Variants in TAS1R1 observed in about 807,000 individuals in gnomAD.
TAS1R1 encodes the protein taste receptor type 1 member 1.
Under a neutral mutation model 45.8 loss-of-function variants are expected in TAS1R1, and 31 were observed. The ratio of observed to expected loss-of-function variants is 0.68; its 90% confidence interval spans 0.51 to 0.91. The LOEUF is 0.91. Ranked by LOEUF, TAS1R1 falls within the 40% of genes least tolerant of loss-of-function variation. TAS1R1 has a pLI of 0.00. For missense variants in TAS1R1, 1,051 were observed against 1,063.9 expected (o/e 0.99, Z 0.17); for synonymous variants, 437 against 448.4 (o/e 0.97, Z 0.32).
rs1304245395 is a variant in TAS1R1 at position 6,577,011 on chromosome 1, T to G, written c.1535T>G (p.Phe512Cys). Reference sequence around the variant, plus strand: ...GGGCACCAGCGAGTGGTTACGGGTTTCCATCACTGCTGCTTTGAGTGTGTG... The same window carrying G: ...GGGCACCAGCGAGTGGTTACGGGTTGCCATCACTGCTGCTTTGAGTGTGTG... ...LEGHQRVVTG[F>C]HHCCFECVPC... The change falls in exon 5 of 6, where the codon TTC (phenylalanine) becomes TGC (cysteine). Residue 512 changes from phenylalanine (F) to cysteine (C), a missense_variant. Phe to Cys is a radical substitution (Grantham distance 205). Transcript: ENST00000333172. The G allele has an allele frequency of 1.2e-6, 2 of 1,614,242 alleles. No individual in the cohort carries two copies. The highest frequency in any genetic ancestry group is 1.7e-6 in the Non-Finnish European group (2 of 1,180,042).
intron 1 of TAS1R1, among the ~76,000 whole-genome samples, chr1:6,560,410 AG>A (rs796676730): frequency 5.3e-5 from 8 of 152,310 alleles, no homozygotes; most frequent in African/African-American, 1.9e-4. Context: ...CTTACAGACT[AG>A]GGGGTATAAG....
intron 1 of TAS1R1, among the ~76,000 whole-genome samples, chr1:6,567,708 T>G (rs559567031): frequency 6.6e-6 from 1 of 151,890 alleles, no homozygotes; most frequent in Non-Finnish European, 1.5e-5. Flanking sequence ...GCTGCGGGAG[T>G]GTAAGCAATT....
chr1:6,559,297 T>C (rs1416541463), intron 1 of TAS1R1, among the ~76,000 whole-genome samples: 1 of 152,028 alleles, frequency 6.6e-6, no homozygotes, highest in Non-Finnish European at 1.5e-5. Flanking sequence ...CCCAAAGTGC[T>C]GGGATTACAG....
At chr1:6,576,684 G>T in intron 4 of TAS1R1, 57 bp downstream of exon 4, 1 of 1,587,108 alleles carries the variant, frequency 6.3e-7, no homozygotes, top group Non-Finnish European at 8.6e-7. Context: ...CTAGAGCCTG[G>T]GGGTGATGCT....
chr1:6,576,683 G>A, intron 4 of TAS1R1, 56 bp downstream of exon 4: 1 of 1,589,388 alleles, frequency 6.3e-7, no homozygotes, highest in East Asian at 2.2e-5. Context: ...CCTAGAGCCT[G>A]GGGGTGATGC....
intron 1 of TAS1R1, among the ~76,000 whole-genome samples, chr1:6,570,031 G>A (rs900046728): frequency 6.6e-6 from 1 of 151,444 alleles, no homozygotes; most frequent in African/African-American, 2.4e-5. Context: ...GGGGGAGAGA[G>A]AGAGAGAGAG....
chr1:6,578,756 C>G lies in TAS1R1; in HGVS notation c.1698C>G (p.Thr566=). 1 of 1,614,124 alleles carries G rather than the reference C, an allele frequency of 6.2e-7. No individual in the cohort carries two copies. Among genetic ancestry groups the G allele is most frequent in the Non-Finnish European group, 8.5e-7 (1 of 1,180,004 alleles). ...TVVFLALREH[T]SWVLLAANTL... is the part of the protein sequence containing the mutation. ...TGTTTTTGGCTTTGCGTGAGCACAC[C>G]TCTTGGGTGCTGCTGGCAGCTAACA... is the stretch of plus-strand genomic sequence containing the variant. The change falls in exon 6 of 6, where the codon ACC becomes ACG. Residue 566 remains threonine (T), a synonymous_variant. Coordinates refer to ENST00000333172, the MANE Select transcript of TAS1R1 (RefSeq NM_138697.4).
chr1:6,578,337 G>C (rs942389381), intron 5 of TAS1R1, among the ~76,000 whole-genome samples: 2 of 152,184 alleles, frequency 1.3e-5, no homozygotes, highest in African/African-American at 2.4e-5. Flanking sequence ...TTGGGAGCAG[G>C]CTGCTCCCAT....
intron 1 of TAS1R1, among the ~76,000 whole-genome samples, chr1:6,570,202 G>A (rs1168812472): frequency 1.3e-5 from 2 of 152,120 alleles, no homozygotes; most frequent in Admixed American, 6.5e-5. Flanking sequence ...ATCAGAGGAG[G>A]CAGCAGCCCA....
rs1570131271 is a variant in TAS1R1 at position 6,575,228 on chromosome 1, G to A, written c.1096G>A (p.Glu366Lys). 2 of 1,613,500 alleles carry A rather than the reference G, an allele frequency of 1.2e-6. No homozygotes were observed. Among genetic ancestry groups the A allele is most frequent in the Non-Finnish European group, 8.5e-7 (1 of 1,179,964 alleles). The change falls in exon 3 of 6, where the codon GAA becomes AAA. Residue 366 changes from glutamate (E) to lysine (K), a missense_variant. Glu to Lys is a moderately conservative substitution (Grantham distance 56). Coordinates refer to ENST00000333172, the MANE Select transcript of TAS1R1 (RefSeq NM_138697.4). ...GTGCAGCAGCAATCAGCTCTGCAGA[G>A]AATGCCAAGCTTTCATGGCACACAC... Reference protein sequence around the residue: ...SWCSSNQLCRECQAFMAHTMP... With the variant: ...SWCSSNQLCRKCQAFMAHTMP...
intron 1 of TAS1R1, among the ~76,000 whole-genome samples, chr1:6,560,986 C>CAAAAA (rs35928406): frequency 1.1e-5 from 1 of 92,934 alleles, no homozygotes; most frequent in Non-Finnish European, 1.9e-5. Flanking sequence ...GACTCTGTCT[C>CAAAAA]AAAAAAAAAA....
In TAS1R1 at chr1:6,574,312, CAT is replaced by C. The variant is rs752997235; in HGVS notation, c.499-318_499-317del. The stretch of plus-strand genomic sequence containing the variant: ...GACCTAACTTCTGCCCTGACCTACA[CAT>C]GCTTCTCTTCTTCCTTGCAAACTGC... On this transcript the variant is annotated intron_variant, in intron 2 of 5. Transcript: ENST00000333172. This position sits in a 1 kb window ranked among gnomAD's most constrained non-coding sequence, Gnocchi z 4.3. Among the ~76,000 whole-genome samples, 1 of 152,246 alleles carries C rather than the reference CAT, an allele frequency of 6.6e-6. No individual in the cohort carries two copies. The highest frequency in any genetic ancestry group is 1.5e-5 in the Non-Finnish European group (1 of 68,044).
At chr1:6,555,866 C>CCTTTTTT (rs1553185410) in intron 1 of TAS1R1, among the ~76,000 whole-genome samples, 1,511 of 95,384 alleles carry the variant, frequency 0.016, 24 homozygotes, top group East Asian at 0.045. Flanking sequence ...TTTCCCTCTT[C>CCTTTTTT]TTTTTTTTTT....
chr1:6,579,060 A>T lies in TAS1R1; in HGVS notation c.2002A>T (p.Thr668Ser), dbSNP rs201676355. 1.2e-5 allele frequency: 20 copies of T among 1,613,274 alleles called. No homozygotes were observed. The highest frequency in any genetic ancestry group is 6.7e-5 in the Admixed American group (4 of 59,998). Residue 668 changes from threonine (T) to serine (S), a missense_variant, in exon 6 of 6, where the codon ACA becomes TCA. Thr to Ser is a moderately conservative substitution (Grantham distance 58, BLOSUM62 1). Coordinates refer to ENST00000333172, the MANE Select transcript of TAS1R1 (RefSeq NM_138697.4). The part of the protein sequence containing the change: ...IIFKFSTKVP[T>S]FYHAWVQNHG... ...CTTCAAGTTTTCCACCAAGGTACCT[A>T]CATTCTACCACGCCTGGGTCCAAAA...
At position 6,574,960 on chromosome 1, in the gene TAS1R1, C is replaced by T; in HGVS notation, c.828C>T (p.Ser276=). The T allele has an allele frequency of 6.2e-7, 1 of 1,608,180 alleles. No individual in the cohort carries two copies. Among genetic ancestry groups the T allele is most frequent in the East Asian group, 2.2e-5 (1 of 44,756 alleles). The part of the protein sequence containing the change: ...AGATVVVVFS[S]RQLARVFFES... ...CCACCGTCGTGGTTGTTTTTTCCAGCCGGCAGTTGGCCAGGGTGTTTTTCG... is the reference window on the plus strand; with the variant it reads ...CCACCGTCGTGGTTGTTTTTTCCAGTCGGCAGTTGGCCAGGGTGTTTTTCG... Residue 276 remains serine (S), a synonymous_variant, in exon 3 of 6, where the codon AGC becomes AGT. Transcript: ENST00000333172. This position sits in a 1 kb window ranked among gnomAD's most constrained non-coding sequence, Gnocchi z 4.3.
Position 6,576,943 on chromosome 1 carries a change from C to G in TAS1R1, c.1474-7C>G. 6.2e-7 allele frequency: 1 copy of G among 1,614,238 alleles called. No homozygotes were observed. Among genetic ancestry groups the G allele is most frequent in the Non-Finnish European group, 8.5e-7 (1 of 1,180,038 alleles). ...CCCCTACGTGTGGCCCCTCTGGCTT[C>G]TTACAGGTGCCTAAGTCTGTGTGTT... On this transcript the variant is annotated splice_region_variant and splice_polypyrimidine_tract_variant and intron_variant, in intron 4 of 5. Transcript: ENST00000333172.
At chr1:6,575,414 C>T in intron 3 of TAS1R1, 22 bp downstream of exon 3, 3 of 1,529,122 alleles carry the variant, frequency 2.0e-6, no homozygotes, top group South Asian at 1.3e-5. Flanking sequence ...CACCCCAGCA[C>T]CTCCTGTCAG....
chr1:6,562,404 G>A (rs535691859), intron 1 of TAS1R1, among the ~76,000 whole-genome samples: 10 of 152,274 alleles, frequency 6.6e-5, no homozygotes, highest in Non-Finnish European at 1.3e-4. Context: ...TCCCAACCTA[G>A]TGATCCACTC....
chr1:6,571,255 G>C, intron 2 of TAS1R1, 40 bp downstream of exon 2: 2 of 1,524,080 alleles, frequency 1.3e-6, no homozygotes, highest in Non-Finnish European at 1.8e-6. Flanking sequence ...CTCCCTTCAG[G>C]CAAGTCTGGG....
Sources: allele counts gnomAD v4.1 joint callset (sites outside exome capture counted in the v4.1 genomes callset), GRCh38; gene constraint gnomAD v4.1.1; non-coding constraint Gnocchi (gnomAD v3.1); transcripts MANE v1.5; gene names NCBI Gene and HGNC (gene_info 2026-07-23, HGNC 2026-07-21).